ATPAF2: variants seen among roughly 807,000 people sequenced by gnomAD.
ATPAF2 encodes ATP12 homolog.
ATPAF2 carries 30 observed loss-of-function variants against 36.6 expected under a neutral mutation model. That is an observed-to-expected ratio of 0.82 (90% CI 0.61 to 1.11). ATPAF2 has a LOEUF of 1.11. Ranked by LOEUF, ATPAF2 falls within the 50% of genes most tolerant of loss-of-function variation. ATPAF2 has a pLI of 0.00. For missense variants in ATPAF2, 321 were observed against 372.3 expected, an observed-to-expected ratio of 0.86 and a Z score of 1.13; for synonymous variants, 140 against 152.6, an observed-to-expected ratio of 0.92 and a Z score of 0.61.
intron 5 of ATPAF2, among the ~76,000 whole-genome samples, chr17:18,022,594 C>CTTTT (rs34473758): frequency 1.2e-4 from 15 of 121,376 alleles, no homozygotes; most frequent in East Asian, 2.6e-4. Flanking sequence ...TTTTTTCAAA[C>CTTTT]TTTTTTTTTT....
chr17:18,024,664 T>C lies in ATPAF2; in HGVS notation c.463A>G (p.Arg155Gly). Residue 155 changes from arginine (R) to glycine (G), a missense_variant, in exon 5 of 8, where the codon AGG becomes GGG. By Grantham distance (125) the Arg-to-Gly change is moderately radical (BLOSUM62 -2). This residue lies in a region of ATPAF2 where 199 missense variants were observed against 220.6 expected (regional missense o/e 0.90). Coordinates refer to ENST00000474627, the MANE Select transcript of ATPAF2 (RefSeq NM_145691.4). ...TCGATGATTGGATCCCACTCATTCCTTTGAAGTTCCACTAATGTCTCGGGC... is the reference window on the plus strand; with the variant it reads ...TCGATGATTGGATCCCACTCATTCCCTTGAAGTTCCACTAATGTCTCGGGC... ...EEPETLVELQRNEWDPIIEWA... is the reference protein window; with the variant it reads ...EEPETLVELQGNEWDPIIEWA... 6.2e-7 allele frequency: 1 copy of C among 1,614,146 alleles called. No individual in the cohort carries two copies. The highest frequency in any genetic ancestry group is 8.5e-7 in the Non-Finnish European group (1 of 1,179,998).
chr17:18,017,411 C>G (rs767808338), downstream of ATPAF2, among the ~76,000 whole-genome samples: 12 of 152,310 alleles, frequency 7.9e-5, no homozygotes, highest in South Asian at 2.1e-4. Context: ...CTAAGACCTT[C>G]TCTGCTCTGG....
At chr17:18,032,836 ATTTTTTT>A (rs562389150) in intron 1 of ATPAF2, among the ~76,000 whole-genome samples, 69 of 139,922 alleles carry the variant, frequency 4.9e-4, no homozygotes, top group Non-Finnish European at 8.2e-4. Flanking sequence ...GATTGATTCA[ATTTTTTT>A]TTTTTTTTTT....
intron 5 of ATPAF2, among the ~76,000 whole-genome samples, chr17:18,024,396 C>T (rs531650238): frequency 1.1e-4 from 16 of 152,280 alleles, no homozygotes; most frequent in Admixed American, 4.6e-4. Flanking sequence ...CTTCATGAAC[C>T]GCTACAGCAG....
chr17:18,030,669 CTTTTTTTTTT>C (rs545874481), intron 1 of ATPAF2, among the ~76,000 whole-genome samples: 1 of 136,024 alleles, frequency 7.4e-6, no homozygotes, highest in Admixed American at 7.4e-5. Context: ...TTTTCTTTTT[CTTTTTTTTTT>C]TTTTTTGAGA....
At chr17:18,034,868 T>C (rs1433883604) in intron 1 of ATPAF2, among the ~76,000 whole-genome samples, 1 of 152,232 alleles carries the variant, frequency 6.6e-6, no homozygotes, top group Non-Finnish European at 1.5e-5. Context: ...AAATGTGGCA[T>C]ATTTACACAT....
chr17:18,024,755 AT>A, intron 4 of ATPAF2, 51 bp from the exon 5 acceptor site: 1 of 1,500,208 alleles, frequency 6.7e-7, no homozygotes, highest in Non-Finnish European at 9.3e-7. Context: ...CAATTCCTTC[AT>A]TCAGTGATAG....
rs962197942 is a variant in ATPAF2, at chr17:18,021,135, C to T, written c.720G>A (p.Glu240=). ...TGCTGCTCCTCACCTGGTACTCCTC[C>T]TCCAGGCGTGACAGCAGCACGGCCT... The part of the protein sequence containing the change: ...VEQAVLLSRL[E]EEYQIQKWGN... The change falls in exon 7 of 8, where the codon GAG becomes GAA. Residue 240 remains glutamate (E), a synonymous_variant. Coordinates refer to ENST00000474627, the MANE Select transcript of ATPAF2 (RefSeq NM_145691.4). 3.1e-6 allele frequency: 5 copies of T among 1,613,400 alleles called. No individual in the cohort carries two copies. The African/African-American group carries it at 5.3e-5, about 17-fold the overall frequency.
At chr17:18,026,191 G>T in intron 4 of ATPAF2, 128 bp downstream of exon 4, 2 of 932,978 alleles carry the variant, frequency 2.1e-6, no homozygotes, top group Non-Finnish European at 3.5e-6. Flanking sequence ...AAGTGCCAAA[G>T]TCAAGTGGGC....
At position 18,035,511 on chromosome 17, in the gene ATPAF2, T is replaced by G. The variant is rs1271374764; in HGVS notation, c.133+3370A>C. Among the ~76,000 whole-genome samples the G allele has an allele frequency of 2.0e-5, 3 of 152,230 alleles. 1 individual carries two copies. Among genetic ancestry groups the G allele is most frequent in the South Asian group, 4.1e-4 (2 of 4,830 alleles). ...TACTAAAAACTATTATATTTACACT[T>G]CAAGTAAATGAATTGTATAGCAAGT... On this transcript the variant is annotated intron_variant, in intron 1 of 7. Transcript: ENST00000474627.
At chr17:18,036,617 C>T (rs1473911318) in intron 1 of ATPAF2, among the ~76,000 whole-genome samples, 2 of 151,848 alleles carry the variant, frequency 1.3e-5, no homozygotes, top group Non-Finnish European at 1.5e-5. Flanking sequence ...TTATGCACCT[C>T]CCTTCTCATT....
chr17:18,020,082 A>T (rs2044447766), intron 7 of ATPAF2, among the ~76,000 whole-genome samples: 1 of 148,928 alleles, frequency 6.7e-6, no homozygotes, highest in Non-Finnish European at 1.5e-5. Context: ...GAACTAGGGA[A>T]ATACATCACA....
intron 5 of ATPAF2, among the ~76,000 whole-genome samples, chr17:18,024,328 G>A (rs1407726973): frequency 6.6e-6 from 1 of 152,184 alleles, no homozygotes; most frequent in East Asian, 1.9e-4. Flanking sequence ...CTGACCCGCT[G>A]GCAGAAGGTG....
Position 18,025,368 on chromosome 17 carries a change from C to G in ATPAF2, c.423-664G>C, listed in dbSNP as rs138514963. ...ACAGACATGAGCCAGTTGAGAGGAG[C>G]TGAGCTGCAGGGCCTCATGGGATGG... On this transcript the variant is annotated intron_variant, in intron 4 of 7. Coordinates refer to ENST00000474627, the MANE Select transcript of ATPAF2 (RefSeq NM_145691.4). The G allele has an allele frequency of 3.5e-4, 56 of 159,220 alleles. No individual in the cohort carries two copies. In the East Asian group the frequency reaches 8.9e-3, roughly 25 times the overall value. 9.9% of individuals were successfully genotyped at this position (159,220 alleles called of 1,614,324 possible). A position where few individuals can be genotyped will look rare whatever the true frequency, so the allele number is the denominator to read the frequency against.
chr17:18,015,324 C>T (rs1400866290), downstream of ATPAF2: 1 of 152,230 alleles, frequency 6.6e-6, no homozygotes, highest in Non-Finnish European at 1.5e-5. Context: ...CATTCAGGTG[C>T]TCTGCCTTAC....
At chr17:18,016,592 G>C (rs756240634), downstream of ATPAF2, 10 of 1,613,746 alleles carry the variant, frequency 6.2e-6, no homozygotes, top group African/African-American at 1.3e-5. Context: ...AACCGCAAGC[G>C]CGTGAAGGAG....
At chr17:18,037,532 C>T (rs2044720760) in intron 1 of ATPAF2, among the ~76,000 whole-genome samples, 1 of 151,952 alleles carries the variant, frequency 6.6e-6, no homozygotes, top group Non-Finnish European at 1.5e-5. Flanking sequence ...TGCAGTGAGC[C>T]GAGATGGTGC....
At chr17:18,032,117 G>C (rs2044645255) in intron 1 of ATPAF2, among the ~76,000 whole-genome samples, 1 of 152,216 alleles carries the variant, frequency 6.6e-6, no homozygotes, top group Non-Finnish European at 1.5e-5. Context: ...TGAAAGCTCT[G>C]ACTCAACACT....
chr17:18,030,417 AGATT>A (rs747711198), intron 1 of ATPAF2, among the ~76,000 whole-genome samples: 7 of 149,526 alleles, frequency 4.7e-5, no homozygotes, highest in Non-Finnish European at 8.9e-5. Context: ...TGAAGCAGGA[AGATT>A]GCTTGAGCCC....
Sources: gnomAD v4.1 joint callset for allele counts (sites outside exome capture counted in the v4.1 genomes callset) on GRCh38, gnomAD v4.1.1 for gene constraint, gnomAD v4.1.1 regional missense constraint, MANE v1.5 for transcripts, NCBI Gene and HGNC (gene_info 2026-07-23, HGNC 2026-07-21) for gene names.